OXR1: variants seen among roughly 807,000 people sequenced by gnomAD.
The protein encoded by OXR1 is oxidation resistance protein 1.
OXR1 carries 41 observed loss-of-function variants against 104.6 expected under a neutral mutation model. The ratio of observed to expected loss-of-function variants is 0.39; its 90% CI spans 0.31 to 0.51. The LOEUF (loss-of-function observed/expected upper bound fraction) is 0.51. Among genes scored for constraint, OXR1 ranks in the 20% least tolerant of loss-of-function variants. The pLI is 0.77. For synonymous variants in OXR1, 348 were observed against 348.4 expected, an observed-to-expected ratio of 1.00 and a Z score of 0.01; for missense variants, 955 against 1,031.9, an observed-to-expected ratio of 0.93 and a Z score of 1.02.
chr8:106,664,306 T>C (rs1826061616), intron 3 of OXR1, among the ~76,000 whole-genome samples: 1 of 152,220 alleles, frequency 6.6e-6, no homozygotes, highest in Non-Finnish European at 1.5e-5. Context: ...GAAGGGCTTG[T>C]TAGAAAAATA....
In OXR1 at chr8:106,434,683, G is replaced by A. The variant is rs546737478; in HGVS notation, c.23+75047G>A. Among the ~76,000 whole-genome samples the A allele has an allele frequency of 3.9e-5, 6 of 152,230 alleles. No homozygotes were observed. In the East Asian group the frequency reaches 1.2e-3, roughly 29 times the overall value. On this transcript the variant is annotated intron_variant, in intron 2 of 16. Transcript: ENST00000517566. The stretch of plus-strand genomic sequence containing the variant: ...GTAATTTGTAACAGTTTAGACAGAG[G>A]TTAATCTAAACTTTACTTCTACATT...
intron 11 of OXR1, among the ~76,000 whole-genome samples, chr8:106,722,252 A>T (rs1832881850): frequency 6.6e-6 from 1 of 152,206 alleles, no homozygotes; most frequent in Non-Finnish European, 1.5e-5. Context: ...AATTTTGTCC[A>T]AAAGTGAAGG....
At chr8:106,574,467 G>C (rs187357603) in intron 3 of OXR1, among the ~76,000 whole-genome samples, 19 of 152,334 alleles carry the variant, frequency 1.2e-4, no homozygotes, top group Admixed American at 4.6e-4. Flanking sequence ...CATCACTTCT[G>C]TTTATCTCTC....
chr8:106,602,829 C>T (rs1440811124), intron 3 of OXR1, among the ~76,000 whole-genome samples: 1 of 152,046 alleles, frequency 6.6e-6, no homozygotes, highest in African/African-American at 2.4e-5. Context: ...CTACCCTGTG[C>T]AGTCCCTTAT....
chr8:106,290,812 C>T (rs1346623021), intron 1 of OXR1, among the ~76,000 whole-genome samples: 2 of 152,088 alleles, frequency 1.3e-5, no homozygotes, highest in African/African-American at 4.8e-5. Context: ...GGTGAGGCTG[C>T]AGAGAAAAGG....
At chr8:106,477,950 T>C (rs1821895774) in intron 2 of OXR1, among the ~76,000 whole-genome samples, 2 of 151,944 alleles carry the variant, frequency 1.3e-5, no homozygotes, top group South Asian at 2.1e-4. Context: ...CATTTCCAGC[T>C]GTAATGTACA....
chr8:106,486,238 T>C (rs1451860641), intron 2 of OXR1, among the ~76,000 whole-genome samples: 3 of 152,148 alleles, frequency 2.0e-5, no homozygotes, highest in Non-Finnish European at 4.4e-5. Flanking sequence ...TAAAATTTTA[T>C]CTGTGATTTT....
At chr8:106,304,166 TA>T (rs951680996) in intron 1 of OXR1, among the ~76,000 whole-genome samples, 21 of 152,200 alleles carry the variant, frequency 1.4e-4, no homozygotes, top group African/African-American at 4.3e-4. Flanking sequence ...GACTCTATGC[TA>T]AACCAAAATC....
chr8:106,697,294 G>A, intron 7 of OXR1: 2 of 751,146 alleles, frequency 2.7e-6, no homozygotes, highest in Non-Finnish European at 4.4e-6. Context: ...GATAGGACAG[G>A]CTGAACCCCT....
At chr8:106,678,767 T>C (rs1333598594) in intron 3 of OXR1, among the ~76,000 whole-genome samples, 1 of 152,100 alleles carries the variant, frequency 6.6e-6, no homozygotes, top group East Asian at 1.9e-4. Context: ...GAAGACTATT[T>C]TTCATTATGA....
chr8:106,713,824 A>G lies in OXR1; in HGVS notation c.1795A>G (p.Thr599Ala). The change falls in exon 11 of 17, where the codon ACA (threonine) becomes GCA (alanine). Residue 599 changes from threonine (T) to alanine (A), a missense_variant and splice_region_variant. Physicochemically the swap from Thr to Ala is moderately conservative, Grantham distance 58. Transcript: ENST00000517566. ...EYWFAVPQER[T>A]DHLYAFFIQW... ...ATTAATAGTCACTTCTCCTAACAGG[A>G]CAGATCACTTGTATGCCTTCTTCAT... 1 of 1,547,026 alleles carries G rather than the reference A, an allele frequency of 6.5e-7. No individual in the cohort carries two copies. The highest frequency in any genetic ancestry group is 8.6e-7 in the Non-Finnish European group (1 of 1,156,740).
chr8:106,751,138 A>C lies in OXR1; in HGVS notation c.*197A>C. On this transcript the variant is annotated 3_prime_UTR_variant, in exon 17 of 17. Transcript: ENST00000517566. ...TTGTCCCAGAGTTCTTTAGGTTAAC[A>C]CTAGGGACTGCGTCCATGTACTAGT... is the stretch of plus-strand genomic sequence containing the variant. 1 of 444,626 alleles carries C rather than the reference A, an allele frequency of 2.2e-6. No homozygotes were observed. The highest frequency in any genetic ancestry group is 3.9e-6 in the Non-Finnish European group (1 of 254,802). 27.5% of individuals were successfully genotyped at this position (444,626 alleles called of 1,614,324 possible). A position where few individuals can be genotyped will look rare whatever the true frequency, so the allele number is the denominator to read the frequency against.
At chr8:106,582,845 A>G (rs913877778) in intron 3 of OXR1, among the ~76,000 whole-genome samples, 2 of 152,170 alleles carry the variant, frequency 1.3e-5, no homozygotes, top group African/African-American at 2.4e-5. Context: ...CGTTTCAGGG[A>G]CATGATGGAC....
chr8:106,311,469 A>G (rs1813696491), intron 1 of OXR1, among the ~76,000 whole-genome samples: 1 of 152,142 alleles, frequency 6.6e-6, no homozygotes, highest in South Asian at 2.1e-4. Flanking sequence ...TATTTAGTTT[A>G]TATACTAAAC....
chr8:106,598,791 C>T (rs535455016), intron 3 of OXR1, among the ~76,000 whole-genome samples: 1 of 152,210 alleles, frequency 6.6e-6, no homozygotes, highest in Non-Finnish European at 1.5e-5. Flanking sequence ...GTAAACTTCA[C>T]CATTGAACAA....
At chr8:106,517,207 T>C (rs78131878) in intron 2 of OXR1, among the ~76,000 whole-genome samples, 2,216 of 152,264 alleles carry the variant, frequency 0.015, 51 homozygotes, top group African/African-American at 0.051. Flanking sequence ...ATGTAATAAC[T>C]CCCCAATGTT....
At chr8:106,330,922 T>A (rs1025983149) in intron 1 of OXR1, among the ~76,000 whole-genome samples, 1 of 152,226 alleles carries the variant, frequency 6.6e-6, no homozygotes, top group South Asian at 2.1e-4. Flanking sequence ...CTTCCCTGAT[T>A]TCCATAGCCA....
chr8:106,565,420 G>T (rs532637562), intron 3 of OXR1, among the ~76,000 whole-genome samples: 2 of 152,036 alleles, frequency 1.3e-5, no homozygotes, highest in Admixed American at 6.5e-5. Context: ...CAACTTAAAA[G>T]GGATGTGAAG....
At chr8:106,437,047 C>T (rs1819608940) in intron 2 of OXR1, among the ~76,000 whole-genome samples, 2 of 152,152 alleles carry the variant, frequency 1.3e-5, no homozygotes, top group South Asian at 4.1e-4. Context: ...CAGTAAGTGG[C>T]ATAGTCAGGA....
Sources: allele counts gnomAD v4.1 joint callset (sites outside exome capture counted in the v4.1 genomes callset), GRCh38; gene constraint gnomAD v4.1.1; transcripts MANE v1.5; gene names NCBI Gene and HGNC (gene_info 2026-07-23, HGNC 2026-07-21).